The following PALB2 variants were observed in gnomAD, a reference collection of about 807,000 sequenced individuals.
The protein encoded by PALB2 is partner and localizer of BRCA2.
PALB2 carries 82 observed loss-of-function variants against 107.4 expected under a neutral mutation model. The observed-to-expected ratio is 0.76, with a 90% CI of 0.64 to 0.92. The LOEUF (loss-of-function observed/expected upper bound fraction) is 0.92, where lower values mean the gene tolerates loss of function less well. Among genes scored for constraint, PALB2 ranks in the 40% least tolerant of loss-of-function variants. PALB2 has a pLI of 0.00. For synonymous variants in PALB2, 489 were observed against 496.8 expected (o/e 0.98, Z 0.21); for missense variants, 1,374 against 1,379.9 (o/e 1.00, Z 0.07).
At position 23,636,094 on chromosome 16, in the gene PALB2, T is replaced by C; in HGVS notation, c.452A>G (p.Gln151Arg). The C allele has an allele frequency of 6.2e-7, 1 of 1,613,932 alleles. No individual in the cohort carries two copies. ...CTCCTGTGAAATAAATGTCCTCTTC[T>C]GCTGCTTCTTTCTTCTGCTTGGCAG... ...QKLPSRRKKQ[Q>R]KRTFISQERD... The change falls in exon 4 of 13, where the codon CAG (glutamine) becomes CGG (arginine). Residue 151 changes from glutamine (Q) to arginine (R), a missense_variant. Physicochemically the swap from Gln to Arg is conservative, Grantham distance 43. Coordinates refer to ENST00000261584, the MANE Select transcript of PALB2 (RefSeq NM_024675.4).
chr16:23,630,523 ATC>A, intron 4 of PALB2, 54 bp from the exon 5 acceptor site: 1 of 1,335,272 alleles, frequency 7.5e-7, no homozygotes, highest in Non-Finnish European at 1.1e-6. Flanking sequence ...AAAACAGACA[ATC>A]TGTTTCACTG....
rs147045425 is a variant in PALB2, at chr16:23,607,965, C to G, written c.3249G>C (p.Glu1083Asp). 5.3e-5 allele frequency: 86 copies of G among 1,613,962 alleles called. No homozygotes were observed. The Admixed American group carries it at 1.1e-3, about 21-fold the overall frequency. The part of the protein sequence containing the change: ...VLSHPCAKES[E>D]SLRSPVFQLI... The stretch of plus-strand genomic sequence containing the variant: ...GCTGAAACACAGGGCTTCGCAACGA[C>G]TCACTCTCTTTGGCACAGGGATGAC... Residue 1083 changes from glutamate (E) to aspartate (D), a missense_variant, in exon 12 of 13, where the codon GAG (glutamate) becomes GAC (aspartate). Physicochemically the swap from Glu to Asp is conservative, Grantham distance 45 (BLOSUM62 2). Coordinates refer to ENST00000261584, the MANE Select transcript of PALB2 (RefSeq NM_024675.4).
intron 1 of PALB2, chr16:23,638,343 CAATTCCTACT>C (rs1967118927): frequency 1.6e-6 from 1 of 612,080 alleles, no homozygotes; most frequent in Admixed American, 2.7e-5. Context: ...CTTCCTTTGC[CAATTCCTACT>C]GATTCCTCAA....
rs180177136 is a variant in PALB2 at position 23,607,860 on chromosome 16, T to G, written c.3350+4A>C. On this transcript the variant is annotated splice_donor_region_variant and intron_variant, in intron 12 of 12. Transcript: ENST00000261584. ...CCCATAGAGTAGCAGTTATGCACAC[T>G]TGCCTGCCAGCCTGCCCTGGAGGAA... 1.9e-6 allele frequency: 3 copies of G among 1,613,644 alleles called. No individual in the cohort carries two copies. The highest frequency in any genetic ancestry group is 1.3e-5 in the African/African-American group (1 of 74,878).
At chr16:23,631,521 C>T (rs2142396661) in intron 4 of PALB2, among the ~76,000 whole-genome samples, 1 of 151,880 alleles carries the variant, frequency 6.6e-6, no homozygotes, top group East Asian at 1.9e-4. Flanking sequence ...GTATGGCCAA[C>T]AGTATAAATA....
At chr16:23,631,102 A>G (rs1244269064) in intron 4 of PALB2, among the ~76,000 whole-genome samples, 1 of 143,256 alleles carries the variant, frequency 7.0e-6, no homozygotes, top group East Asian at 2.0e-4. Context: ...CGTCTCTACT[A>G]AAAATACAAA....
At chr16:23,616,356 T>A (rs918604693) in intron 10 of PALB2, among the ~76,000 whole-genome samples, 34 of 152,358 alleles carry the variant, frequency 2.2e-4, no homozygotes, top group African/African-American at 8.2e-4. Context: ...ATGGGCCAGA[T>A]ACTGTGTATA....
At chr16:23,630,951 T>C (rs1427271362) in intron 4 of PALB2, among the ~76,000 whole-genome samples, 1 of 149,496 alleles carries the variant, frequency 6.7e-6, no homozygotes, top group Non-Finnish European at 1.5e-5. Context: ...TTAAAAACAA[T>C]AAATAAATAA....
chr16:23,627,714 C>T (rs1443727478), intron 6 of PALB2, among the ~76,000 whole-genome samples: 1 of 151,804 alleles, frequency 6.6e-6, no homozygotes, highest in Non-Finnish European at 1.5e-5. Flanking sequence ...AAAACACAAC[C>T]CAATTAATAA....
At chr16:23,626,639 T>G (rs1049000599) in intron 6 of PALB2, among the ~76,000 whole-genome samples, 1 of 152,168 alleles carries the variant, frequency 6.6e-6, no homozygotes, top group Non-Finnish European at 1.5e-5. Flanking sequence ...TGGGTGTTTT[T>G]GGGACTGAGT....
chr16:23,603,453 C>T lies in PALB2; in HGVS notation c.*6G>A, dbSNP rs2142250572. 6.2e-7 allele frequency: 1 copy of T among 1,608,626 alleles called. No homozygotes were observed. Reference sequence around the variant, plus strand: ...CCAGAAAATTGTGTTTTCACTTTACCCTAACTTATGAATAGTGGTATACAA... The same window carrying T: ...CCAGAAAATTGTGTTTTCACTTTACTCTAACTTATGAATAGTGGTATACAA... On this transcript the variant is annotated 3_prime_UTR_variant, in exon 13 of 13. Coordinates refer to ENST00000261584, the MANE Select transcript of PALB2 (RefSeq NM_024675.4).
chr16:23,615,210 A>C (rs1966664430), intron 10 of PALB2, among the ~76,000 whole-genome samples: 1 of 151,802 alleles, frequency 6.6e-6, no homozygotes, highest in African/African-American at 2.4e-5. Flanking sequence ...CGGCCTCCCA[A>C]AGTGCTGGGA....
intron 3 of PALB2, 26 bp from the exon 4 acceptor site, chr16:23,636,360 CTT>C (rs1369095966): frequency 2.6e-5 from 37 of 1,448,856 alleles, no homozygotes; most frequent in Admixed American, 4.4e-5. Context: ...ATGTATATAA[CTT>C]ATATTTTTCT....
rs772095244 is a variant in PALB2 at position 23,629,809 on chromosome 16, G to A, written c.2345C>T (p.Pro782Leu). 1 of 1,614,164 alleles carries A rather than the reference G, an allele frequency of 6.2e-7. No individual in the cohort carries two copies. Among genetic ancestry groups the A allele is most frequent in the Non-Finnish European group, 8.5e-7 (1 of 1,180,036 alleles). ...TTGCAGGGTGGTATGTGGTTTTGCT[G>A]GGCTGCCTGAACTGTCGAATTGTTT... ...DTKQFDSSGS[P>L]AKPHTTLQVS... Residue 782 changes from proline to leucine, a missense_variant, in exon 5 of 13, where the codon CCA (proline) becomes CTA (leucine). By Grantham distance (98) the Pro-to-Leu change is moderately conservative (BLOSUM62 -3). Transcript: ENST00000261584.
At chr16:23,611,594 G>A (rs553379506) in intron 11 of PALB2, among the ~76,000 whole-genome samples, 34 of 151,622 alleles carry the variant, frequency 2.2e-4, no homozygotes, top group Middle Eastern at 3.4e-3. Context: ...TAGTAGTTGG[G>A]ACTACAGGCG....
At chr16:23,616,456 C>T (rs1043951883) in intron 10 of PALB2, among the ~76,000 whole-genome samples, 2 of 152,206 alleles carry the variant, frequency 1.3e-5, no homozygotes, top group Non-Finnish European at 2.9e-5. Flanking sequence ...TACAGAGTTT[C>T]ATACATGGTC....
At chr16:23,612,746 C>CT (rs371327698) in intron 11 of PALB2, among the ~76,000 whole-genome samples, 3,170 of 146,880 alleles carry the variant, frequency 0.022, 65 homozygotes, top group African/African-American at 0.057. Flanking sequence ...CAAGGTAAAA[C>CT]TTTTTTTTTT....
chr16:23,607,047 G>A (rs1234773506), intron 12 of PALB2, among the ~76,000 whole-genome samples: 3 of 151,930 alleles, frequency 2.0e-5, no homozygotes, highest in Non-Finnish European at 4.4e-5. Context: ...CTGACCTCAT[G>A]ATGCACCTGC....
chr16:23,614,949 CTTTT>C (rs1288431746), intron 10 of PALB2, among the ~76,000 whole-genome samples: 3 of 104,728 alleles, frequency 2.9e-5, no homozygotes, highest in African/African-American at 7.2e-5. Flanking sequence ...CGCGCCTGGC[CTTTT>C]TTTTTTTTTT....
Sources: allele counts gnomAD v4.1 joint callset (sites outside exome capture counted in the v4.1 genomes callset), GRCh38; gene constraint gnomAD v4.1.1; transcripts MANE v1.5; gene names NCBI Gene and HGNC (gene_info 2026-07-23, HGNC 2026-07-21).